PALLD: variants seen among roughly 807,000 people sequenced by gnomAD.
PALLD encodes palladin.
A neutral mutation model predicts 123.5 loss-of-function variants in PALLD; 61 were observed. That is an observed-to-expected ratio of 0.49 (90% CI 0.40 to 0.61). The LOEUF (loss-of-function observed/expected upper bound fraction) is 0.61. Among genes scored for constraint, PALLD ranks in the 20% least tolerant of loss-of-function variants. The pLI is 0.00. For missense variants in PALLD, 1,273 were observed against 1,377.0 expected (o/e 0.92, Z 1.20); for synonymous variants, 465 against 496.4 (o/e 0.94, Z 0.84).
chr4:168,713,717 G>A (rs1006175111), intron 10 of PALLD, among the ~76,000 whole-genome samples: 10 of 151,486 alleles, frequency 6.6e-5, no homozygotes, highest in African/African-American at 2.2e-4. Flanking sequence ...AAGAACATCA[G>A]GATTTGCTTG....
chr4:168,533,231 T>C (rs948576938), intron 2 of PALLD, among the ~76,000 whole-genome samples: 1 of 152,182 alleles, frequency 6.6e-6, no homozygotes, highest in African/African-American at 2.4e-5. Flanking sequence ...CTAAATTATT[T>C]TAAAAATATC....
chr4:168,751,788 A>C (rs1731094945), intron 10 of PALLD, among the ~76,000 whole-genome samples: 1 of 152,206 alleles, frequency 6.6e-6, no homozygotes, highest in Non-Finnish European at 1.5e-5. Flanking sequence ...ATTTATAAAT[A>C]GTCTCCATCT....
At chr4:168,696,271 A>G (rs1269049725) in intron 8 of PALLD, among the ~76,000 whole-genome samples, 1 of 152,148 alleles carries the variant, frequency 6.6e-6, no homozygotes, top group African/African-American at 2.4e-5. Flanking sequence ...CAGGACTCAC[A>G]TTCCAGCCTG....
chr4:168,577,319 T>C (rs776634443), intron 2 of PALLD, among the ~76,000 whole-genome samples: 4 of 152,174 alleles, frequency 2.6e-5, no homozygotes, highest in Non-Finnish European at 5.9e-5. Flanking sequence ...TTTCAGTCTT[T>C]TCTACCGACT....
chr4:168,919,934 T>C (rs905379616), intron 17 of PALLD, among the ~76,000 whole-genome samples: 7 of 152,178 alleles, frequency 4.6e-5, no homozygotes, highest in African/African-American at 1.7e-4. Flanking sequence ...CATGAGTAAC[T>C]ATCCACTGGG....
At chr4:168,563,851 A>C (rs982527922) in intron 2 of PALLD, among the ~76,000 whole-genome samples, 2 of 152,332 alleles carry the variant, frequency 1.3e-5, no homozygotes, top group Non-Finnish European at 1.5e-5. Context: ...TGGAAGAAAA[A>C]CATTTTTAAT....
At chr4:168,809,444 A>ACAT (rs1449444613) in intron 10 of PALLD, among the ~76,000 whole-genome samples, 1 of 152,118 alleles carries the variant, frequency 6.6e-6, no homozygotes, top group Non-Finnish European at 1.5e-5. Context: ...GACTAAAGAC[A>ACAT]TGTTTTAGTT....
At chr4:168,924,918 C>A (rs753025711) in intron 19 of PALLD, 27 bp from the exon 20 acceptor site, 2 of 1,613,692 alleles carry the variant, frequency 1.2e-6, no homozygotes, top group South Asian at 2.2e-5. Flanking sequence ...AAATTTAGAA[C>A]CCTAATGACT....
chr4:168,557,689 A>C (rs1169393863), intron 2 of PALLD, among the ~76,000 whole-genome samples: 1 of 152,194 alleles, frequency 6.6e-6, no homozygotes, highest in Non-Finnish European at 1.5e-5. Context: ...GGTGCCCTAC[A>C]TGTGCATTAA....
intron 2 of PALLD, among the ~76,000 whole-genome samples, chr4:168,662,290 C>T (rs1779203813): frequency 6.6e-6 from 1 of 152,188 alleles, no homozygotes; most frequent in African/African-American, 2.4e-5. Context: ...ACCCACACTC[C>T]TCTCTCAATC....
intron 2 of PALLD, among the ~76,000 whole-genome samples, chr4:168,522,944 C>A (rs759793560): frequency 6.6e-6 from 1 of 152,018 alleles, no homozygotes; most frequent in Non-Finnish European, 1.5e-5. Flanking sequence ...TTTGTTCTCT[C>A]GGTTATGAGT....
chr4:168,817,169 CT>C (rs900276819), intron 10 of PALLD, among the ~76,000 whole-genome samples: 20 of 152,144 alleles, frequency 1.3e-4, no homozygotes, highest in Admixed American at 5.2e-4. Context: ...TTTCTGTTGG[CT>C]TTTTATAGAC....
At chr4:168,725,052 A>T (rs907962691) in intron 10 of PALLD, among the ~76,000 whole-genome samples, 1 of 152,216 alleles carries the variant, frequency 6.6e-6, no homozygotes, top group Non-Finnish European at 1.5e-5. Flanking sequence ...ATTTAAATGT[A>T]ATGATGTATG....
chr4:168,564,330 A>T (rs1159693972), intron 2 of PALLD, among the ~76,000 whole-genome samples: 1 of 152,190 alleles, frequency 6.6e-6, no homozygotes, highest in East Asian at 1.9e-4. Flanking sequence ...TTCTCCTTCA[A>T]CCTACCATGA....
At chr4:168,848,615 A>C (rs1295145753) in intron 10 of PALLD, among the ~76,000 whole-genome samples, 2 of 152,208 alleles carry the variant, frequency 1.3e-5, no homozygotes, top group Non-Finnish European at 2.9e-5. Context: ...GAACGATGCT[A>C]ATTTGAGTTC....
chr4:168,556,731 A>T (rs369154542), intron 2 of PALLD, among the ~76,000 whole-genome samples: 1 of 152,216 alleles, frequency 6.6e-6, no homozygotes, highest in Admixed American at 6.5e-5. Context: ...AACAAAAAAG[A>T]CTGAGAAAAT....
intron 10 of PALLD, among the ~76,000 whole-genome samples, chr4:168,800,924 C>T (rs2092547316): frequency 6.6e-6 from 1 of 152,084 alleles, no homozygotes; most frequent in African/African-American, 2.4e-5. Flanking sequence ...AAATATTATT[C>T]AGCAATTAAA....
chr4:168,762,177 A>G (rs937422699), intron 10 of PALLD, among the ~76,000 whole-genome samples: 1 of 152,206 alleles, frequency 6.6e-6, no homozygotes, highest in African/African-American at 2.4e-5. Flanking sequence ...TAAAACACAT[A>G]AAAATGCCAT....
chr4:168,510,463 C>T (rs1762429815), intron 1 of PALLD, among the ~76,000 whole-genome samples: 1 of 152,046 alleles, frequency 6.6e-6, no homozygotes, highest in African/African-American at 2.4e-5. Flanking sequence ...TTAATATCTT[C>T]TCTATCTCCT....
Sources: allele counts gnomAD v4.1 joint callset (sites outside exome capture counted in the v4.1 genomes callset), GRCh38; gene constraint gnomAD v4.1.1; transcripts MANE v1.5; gene names NCBI Gene and HGNC (gene_info 2026-07-23, HGNC 2026-07-21).